The following TOX variants were observed in gnomAD, a reference collection of about 807,000 sequenced individuals.
TOX encodes thymocyte selection associated high mobility group box.
Under a neutral mutation model 53.7 loss-of-function variants are expected in TOX, and 11 were observed. The ratio of observed to expected loss-of-function variants is 0.20; its 90% CI spans 0.13 to 0.34. TOX has a LOEUF of 0.34. Among genes scored for constraint, TOX ranks in the 10% least tolerant of loss-of-function variants. TOX has a pLI of 1.00. For synonymous variants in TOX, 225 were observed against 245.3 expected (o/e 0.92, Z 0.77); for missense variants, 570 against 664.6 (o/e 0.86, Z 1.56).
chr8:58,872,693 G>A (rs1811218400), intron 3 of TOX, among the ~76,000 whole-genome samples: 1 of 152,114 alleles, frequency 6.6e-6, no homozygotes, highest in East Asian at 1.9e-4. Flanking sequence ...AAATCTGATG[G>A]TCTCAAAATT....
intron 3 of TOX, among the ~76,000 whole-genome samples, chr8:58,937,938 C>T (rs1260341218): frequency 6.6e-6 from 1 of 152,084 alleles, no homozygotes; most frequent in East Asian, 1.9e-4. Flanking sequence ...ATACATTTTT[C>T]AGCTTTACAC....
intron 1 of TOX, among the ~76,000 whole-genome samples, chr8:59,011,123 C>T (rs542781353): frequency 1.3e-5 from 2 of 152,162 alleles, no homozygotes; most frequent in African/African-American, 2.4e-5. Flanking sequence ...TGGAACATGT[C>T]GGAAATGACA....
At chr8:59,083,692 C>G (rs1197038541) in intron 1 of TOX, among the ~76,000 whole-genome samples, 2 of 152,162 alleles carry the variant, frequency 1.3e-5, no homozygotes, top group African/African-American at 4.8e-5. Flanking sequence ...GCCAGCCCTG[C>G]TACTGACAAT....
intron 1 of TOX, among the ~76,000 whole-genome samples, chr8:59,028,946 G>A (rs1486489488): frequency 6.6e-6 from 1 of 152,062 alleles, no homozygotes; most frequent in African/African-American, 2.4e-5. Context: ...AGCAAACCTT[G>A]AGGTTCACAA....
chr8:58,994,313 C>T (rs1027190147), intron 1 of TOX, among the ~76,000 whole-genome samples: 12 of 151,932 alleles, frequency 7.9e-5, no homozygotes, highest in African/African-American at 2.7e-4. Flanking sequence ...ATGACTAGAA[C>T]ACACACGTAT....
chr8:59,087,944 C>T (rs1179914239), intron 1 of TOX, among the ~76,000 whole-genome samples: 1 of 152,126 alleles, frequency 6.6e-6, no homozygotes, highest in African/African-American at 2.4e-5. Context: ...GTCATGTGTC[C>T]AAATTCAACT....
intron 4 of TOX, among the ~76,000 whole-genome samples, chr8:58,847,626 G>A (rs1810739743): frequency 6.6e-6 from 1 of 151,926 alleles, no homozygotes; most frequent in South Asian, 2.1e-4. Flanking sequence ...AAAAAATAAG[G>A]AATGAAAATT....
intron 1 of TOX, among the ~76,000 whole-genome samples, chr8:59,041,196 C>T (rs1298699793): frequency 6.6e-6 from 1 of 151,276 alleles, no homozygotes; most frequent in Non-Finnish European, 1.5e-5. Flanking sequence ...ATTAAATGTA[C>T]ATTGTTTTCC....
Position 58,807,233 on chromosome 8 carries a change from CT to C in TOX, c.*513del. ...ATATGAATGTTTGCCAATTTAACCC[CT>C]ATTGTGAAATCAATAAACTGGAATG... On this transcript the variant is annotated 3_prime_UTR_variant, in exon 9 of 9. Coordinates refer to ENST00000361421, the MANE Select transcript of TOX (RefSeq NM_014729.3). 1 of 152,728 alleles carries C rather than the reference CT, an allele frequency of 6.5e-6. No homozygotes were observed. Among genetic ancestry groups the C allele is most frequent in the African/African-American group, 2.4e-5 (1 of 41,552 alleles). The allele number at this position is 152,728 out of a possible 1,614,324, so 9.5% of individuals were successfully genotyped here. A position where few individuals can be genotyped will look rare whatever the true frequency, so the allele number is the denominator to read the frequency against.
intron 4 of TOX, among the ~76,000 whole-genome samples, chr8:58,845,641 AGT>A (rs1023854056): frequency 6.6e-6 from 1 of 152,108 alleles, no homozygotes; most frequent in Non-Finnish European, 1.5e-5. Flanking sequence ...ATGATTCACA[AGT>A]GTGGGGCATT....
At chr8:59,083,960 C>T (rs1804461502) in intron 1 of TOX, among the ~76,000 whole-genome samples, 1 of 152,024 alleles carries the variant, frequency 6.6e-6, no homozygotes, top group African/African-American at 2.4e-5. Context: ...TGACTTGTTG[C>T]TCTATGAGTG....
chr8:59,067,863 T>C (rs998073396), intron 1 of TOX, among the ~76,000 whole-genome samples: 1 of 152,220 alleles, frequency 6.6e-6, no homozygotes, highest in Non-Finnish European at 1.5e-5. Flanking sequence ...CAAATGGCAG[T>C]TCTCTCCTAC....
At chr8:59,106,636 G>A (rs1193159984) in intron 1 of TOX, among the ~76,000 whole-genome samples, 1 of 152,088 alleles carries the variant, frequency 6.6e-6, no homozygotes, top group African/African-American at 2.4e-5. Context: ...GAGCTAAGCA[G>A]AGTCATGAAT....
chr8:58,911,636 G>A (rs1811908662), intron 3 of TOX, among the ~76,000 whole-genome samples: 1 of 152,152 alleles, frequency 6.6e-6, no homozygotes, highest in Non-Finnish European at 1.5e-5. Flanking sequence ...ATTCCGAACT[G>A]CAGTGGAAGA....
chr8:59,005,131 C>T (rs961120634), intron 1 of TOX, among the ~76,000 whole-genome samples: 1 of 151,914 alleles, frequency 6.6e-6, no homozygotes, highest in Non-Finnish European at 1.5e-5. Context: ...CTCTGCCTCC[C>T]GGGTTCACGC....
At chr8:59,031,948 G>C (rs1249657473) in intron 1 of TOX, among the ~76,000 whole-genome samples, 1 of 152,218 alleles carries the variant, frequency 6.6e-6, no homozygotes, top group Non-Finnish European at 1.5e-5. Flanking sequence ...AGAAACTAAA[G>C]ATTTGTATGT....
At chr8:58,813,717 A>G (rs1187543729) in intron 7 of TOX, among the ~76,000 whole-genome samples, 5 of 152,222 alleles carry the variant, frequency 3.3e-5, no homozygotes, top group Non-Finnish European at 7.4e-5. Flanking sequence ...GCAGATAAGA[A>G]AATCATCATA....
intron 3 of TOX, among the ~76,000 whole-genome samples, chr8:58,904,828 A>G (rs1365764618): frequency 6.6e-6 from 1 of 152,238 alleles, no homozygotes; most frequent in East Asian, 1.9e-4. Context: ...TAAAATAGCC[A>G]AATCTGAATG....
At position 58,949,030 on chromosome 8, in the gene TOX, A is replaced by G. The variant is rs76965984; in HGVS notation, c.169-9486T>C. 7.6e-3 allele frequency among the ~76,000 whole-genome samples: 1,155 copies of G among 152,302 alleles called. 112 individuals are homozygous for G. The East Asian group carries it at 0.19, about 25-fold the overall frequency. ...AAATGCTGAATACAGATCTCAGCTC[A>G]TCCCTTAGTAGATGTATTTACTTAA... On this transcript the variant is annotated intron_variant, in intron 2 of 8. Transcript: ENST00000361421.
Sources: allele counts gnomAD v4.1 joint callset (sites outside exome capture counted in the v4.1 genomes callset), GRCh38; gene constraint gnomAD v4.1.1; transcripts MANE v1.5; gene names NCBI Gene and HGNC (gene_info 2026-07-23, HGNC 2026-07-21).